The following MTA3 variants were observed in gnomAD, a reference collection of about 807,000 sequenced individuals.
MTA3 encodes metastasis associated 1 family member 3, also known as metastasis-associated protein MTA3.
A neutral mutation model predicts 83.5 loss-of-function variants in MTA3; 34 were observed. That is an observed-to-expected ratio of 0.41 (90% CI 0.31 to 0.54). The LOEUF (loss-of-function observed/expected upper bound fraction) is 0.54, where lower values mean the gene tolerates loss of function less well. Among genes scored for constraint, MTA3 ranks in the 20% least tolerant of loss-of-function variants. The pLI is 0.33. For missense variants in MTA3, 761 were observed against 726.4 expected (o/e 1.05, Z -0.55); for synonymous variants, 303 against 252.7 (o/e 1.20, Z -1.89).
chr2:42,732,433 G>A (rs1573794796), intron 16 of MTA3, among the ~76,000 whole-genome samples: 1 of 152,154 alleles, frequency 6.6e-6, no homozygotes, highest in Non-Finnish European at 1.5e-5. Context: ...TGAGACACAG[G>A]GTACCAAGTC....
At chr2:42,752,174 A>C in intron 16 of MTA3, 1 of 471,172 alleles carries the variant, frequency 2.1e-6, no homozygotes, top group Non-Finnish European at 4.4e-6. Context: ...TTTATTTAAC[A>C]CATACTTGCT....
chr2:42,658,916 T>A (rs1266991225), intron 7 of MTA3, among the ~76,000 whole-genome samples: 1 of 148,894 alleles, frequency 6.7e-6, no homozygotes, highest in East Asian at 2.0e-4. Flanking sequence ...CTACAGAAAA[T>A]TTTTTTTAAT....
intron 8 of MTA3, among the ~76,000 whole-genome samples, chr2:42,671,571 T>G (rs901122732): frequency 1.3e-5 from 2 of 152,218 alleles, no homozygotes; most frequent in African/African-American, 2.4e-5. Context: ...ACATACAAGA[T>G]TGTGAATGTC....
intron 2 of MTA3, among the ~76,000 whole-genome samples, chr2:42,495,479 C>A (rs1240511645): frequency 6.6e-6 from 1 of 152,064 alleles, no homozygotes; most frequent in African/African-American, 2.4e-5. Context: ...TGCTACTTTG[C>A]TGTTTAGTAT....
At chr2:42,567,753 G>C (rs543706060), upstream of MTA3, among the ~76,000 whole-genome samples, 6 of 152,172 alleles carry the variant, frequency 3.9e-5, no homozygotes, top group South Asian at 1.2e-3. Context: ...CACGTAACCA[G>C]TTAAGTGTCC....
rs977871474 is a variant in MTA3 at position 42,753,462 on chromosome 2, G to T, written c.*63G>T. 3 of 1,549,376 alleles carry T rather than the reference G, an allele frequency of 1.9e-6. No individual in the cohort carries two copies. Among genetic ancestry groups the T allele is most frequent in the African/African-American group, 2.7e-5 (2 of 73,008 alleles). ...CACTGTCCTGCTGATGTTCACAGCCGTGCCTGGGAAGAAGGCAGCCCCACT... is the reference window on the plus strand; with the variant it reads ...CACTGTCCTGCTGATGTTCACAGCCTTGCCTGGGAAGAAGGCAGCCCCACT... On this transcript the variant is annotated 3_prime_UTR_variant, in exon 17 of 17. Transcript: ENST00000405094.
intron 4 of MTA3, among the ~76,000 whole-genome samples, chr2:42,617,712 G>A (rs1253389222): frequency 4.0e-5 from 6 of 151,696 alleles, no homozygotes; most frequent in Admixed American, 2.0e-4. Flanking sequence ...GGAGGCGGAC[G>A]TTGCAGTGAG....
intron 14 of MTA3, among the ~76,000 whole-genome samples, chr2:42,714,044 A>G (rs894352227): frequency 1.3e-5 from 2 of 152,184 alleles, no homozygotes; most frequent in Non-Finnish European, 2.9e-5. Flanking sequence ...CATCTAGACA[A>G]TTCCTATTTC....
intron 4 of MTA3, among the ~76,000 whole-genome samples, chr2:42,636,687 T>C (rs944082806): frequency 5.5e-5 from 8 of 146,786 alleles, no homozygotes; most frequent in African/African-American, 1.5e-4. Context: ...AGTGCAGTGG[T>C]GCGATCTCGG....
intron 2 of MTA3, among the ~76,000 whole-genome samples, chr2:42,559,729 A>G (rs1285726823): frequency 4.0e-5 from 6 of 148,374 alleles, no homozygotes; most frequent in East Asian, 4.0e-4. Context: ...ACACAAAATT[A>G]GCCAGGCGTG....
intron 9 of MTA3, among the ~76,000 whole-genome samples, chr2:42,686,479 G>C (rs1469536712): frequency 4.0e-5 from 6 of 151,640 alleles, no homozygotes; most frequent in Non-Finnish European, 7.4e-5. Flanking sequence ...TTGAGCCCAG[G>C]AGTTTAAGAC....
At position 42,756,702 on chromosome 2, in the gene MTA3, C is replaced by G. The variant is rs1670260222; in HGVS notation, c.*3303C>G. 2.0e-6 allele frequency: 2 copies of G among 985,486 alleles called. No individual in the cohort carries two copies. Among genetic ancestry groups the G allele is most frequent in the South Asian group, 9.4e-5 (2 of 21,290 alleles). 61.0% of individuals were successfully genotyped at this position (985,486 alleles called of 1,614,324 possible). On this transcript the variant is annotated 3_prime_UTR_variant, in exon 17 of 17. Coordinates refer to ENST00000405094, the MANE Select transcript of MTA3 (RefSeq NM_001330442.2). Reference sequence around the variant, plus strand: ...GGGGAATTTACTCAGTTAGCAGCCCCTCCTCACCATTCCCCCCAGGAAGGC... The same window carrying G: ...GGGGAATTTACTCAGTTAGCAGCCCGTCCTCACCATTCCCCCCAGGAAGGC...
chr2:42,604,669 A>T (rs1428852900), intron 3 of MTA3, among the ~76,000 whole-genome samples: 1 of 132,778 alleles, frequency 7.5e-6, no homozygotes, highest in Non-Finnish European at 1.6e-5. Flanking sequence ...TAGTGGAGGG[A>T]AGGTCAGCAG....
intron 2 of MTA3, among the ~76,000 whole-genome samples, chr2:42,505,554 C>G (rs940937545): frequency 2.0e-5 from 3 of 151,952 alleles, no homozygotes; most frequent in African/African-American, 7.3e-5. Flanking sequence ...TAAGCACCCC[C>G]CTGGAGGGAG....
chr2:42,625,949 T>G (rs977315909), intron 4 of MTA3, among the ~76,000 whole-genome samples: 1 of 147,796 alleles, frequency 6.8e-6, no homozygotes, highest in Admixed American at 6.7e-5. Flanking sequence ...TTTTTTTCTT[T>G]TTTTTTTTTT....
intron 11 of MTA3, among the ~76,000 whole-genome samples, chr2:42,700,299 T>A (rs1693750046): frequency 6.6e-6 from 1 of 152,178 alleles, no homozygotes; most frequent in African/African-American, 2.4e-5. Flanking sequence ...TTTTAAAACA[T>A]TAAAAATGTT....
chr2:42,711,260 C>T (rs1250731283), intron 14 of MTA3, among the ~76,000 whole-genome samples: 2 of 152,054 alleles, frequency 1.3e-5, no homozygotes, highest in Non-Finnish European at 1.5e-5. Flanking sequence ...TGTTAATTTT[C>T]AGTTAATTTG....
intron 8 of MTA3, among the ~76,000 whole-genome samples, chr2:42,676,528 G>A (rs1691363504): frequency 1.3e-5 from 2 of 152,212 alleles, no homozygotes; most frequent in South Asian, 4.1e-4. Flanking sequence ...CACTTTGGGA[G>A]GCCAAGACAG....
chr2:42,496,740 G>C (rs77206653), intron 2 of MTA3, among the ~76,000 whole-genome samples: 80 of 152,172 alleles, frequency 5.3e-4, no homozygotes, highest in African/African-American at 1.9e-3. Context: ...CTAGAATCAG[G>C]TTTTCTCATG....
Sources: gnomAD v4.1 joint callset for allele counts (sites outside exome capture counted in the v4.1 genomes callset) on GRCh38, gnomAD v4.1.1 for gene constraint, MANE v1.5 for transcripts, NCBI Gene and HGNC (gene_info 2026-07-23, HGNC 2026-07-21) for gene names.